The following PIK3R3 variants were observed in gnomAD, a reference collection of about 807,000 sequenced individuals.
The protein encoded by PIK3R3 is phosphatidylinositol 3-kinase regulatory subunit gamma.
In PIK3R3, 64 loss-of-function variants were observed where a neutral mutation model predicts 62.9. The ratio of observed to expected loss-of-function variants is 1.02; its 90% CI spans 0.83 to 1.25. The LOEUF is 1.25. Ranked by LOEUF, PIK3R3 falls within the 50% of genes most tolerant of loss-of-function variation. The probability of loss-of-function intolerance (pLI) is 0.00; values close to 1 mark genes in which losing one functional copy is unlikely to be tolerated. For synonymous variants in PIK3R3, 165 were observed against 189.0 expected (o/e 0.87, Z 1.04); for missense variants, 614 against 561.6 (o/e 1.09, Z -0.94).
chr1:46,147,384 C>T, the PIK3R3 span, among the ~76,000 whole-genome samples: 1 of 152,160 alleles, frequency 6.6e-6, no homozygotes, highest in Non-Finnish European at 1.5e-5. Flanking sequence ...GGATTACAGG[C>T]GTGAGCCACC....
chr1:46,137,217 GT>G (rs1655963411), upstream of PIK3R3, among the ~76,000 whole-genome samples: 1 of 152,180 alleles, frequency 6.6e-6, no homozygotes, highest in South Asian at 2.1e-4. Flanking sequence ...CTTAGCAAAT[GT>G]TTGTTGGTGC....
At chr1:46,135,606 A>G (rs1173828696), upstream of PIK3R3, among the ~76,000 whole-genome samples, 3 of 152,104 alleles carry the variant, frequency 2.0e-5, no homozygotes, top group African/African-American at 7.2e-5. Flanking sequence ...GATGGATGAA[A>G]TATTTCTTCT....
Position 46,061,965 on chromosome 1 carries a change from C to T in PIK3R3, c.728G>A (p.Arg243Gln), listed in dbSNP as rs778971217. 2.0e-5 allele frequency: 33 copies of T among 1,613,432 alleles called. No individual in the cohort carries two copies. The highest frequency in any genetic ancestry group is 2.7e-5 in the Non-Finnish European group (32 of 1,179,420). ...QEQHSKEYIE[R>Q]FRREGNEKEI... ...CTTTTCATTCCCCTCTCTGCGAAAT[C>T]GCTCAATATATTCTTTGCTATGTTG... Residue 243 changes from arginine to glutamine, a missense_variant, in exon 6 of 10, where the codon CGA becomes CAA. Transcript: ENST00000262741.
intron 7 of PIK3R3, among the ~76,000 whole-genome samples, chr1:46,054,947 G>C (rs1647730741): frequency 6.6e-6 from 1 of 152,136 alleles, no homozygotes; most frequent in Non-Finnish European, 1.5e-5. Context: ...CTGTTGCCCA[G>C]GCTGGAGTGC....
At chr1:46,053,757 G>A (rs144850738) in intron 7 of PIK3R3, among the ~76,000 whole-genome samples, 1 of 152,094 alleles carries the variant, frequency 6.6e-6, no homozygotes, top group South Asian at 2.1e-4. Flanking sequence ...AACAGACTAA[G>A]ACACCACACT....
At chr1:46,156,797 T>C in the PIK3R3 span, among the ~76,000 whole-genome samples, 1 of 152,186 alleles carries the variant, frequency 6.6e-6, no homozygotes, top group African/African-American at 2.4e-5. Flanking sequence ...CTCCAGACCC[T>C]GGAAGCATGA....
Position 46,044,682 on chromosome 1 carries a change from T to C in PIK3R3, c.1188-811A>G, listed in dbSNP as rs1046333688. 7.9e-5 allele frequency among the ~76,000 whole-genome samples: 12 copies of C among 152,238 alleles called. No homozygotes were observed. Among genetic ancestry groups the C allele is most frequent in the African/African-American group, 2.4e-4 (10 of 41,458 alleles). ...CCCATAAGACATCCCATTCATCTTT[T>C]TGAGGTCCATCTCAGATACCTTTTC... On this transcript the variant is annotated intron_variant, in intron 9 of 9. Coordinates refer to ENST00000262741, the MANE Select transcript of PIK3R3 (RefSeq NM_003629.4). This position sits in a 1 kb window ranked among gnomAD's most constrained non-coding sequence, Gnocchi z 4.2.
At chr1:46,129,045 T>G (rs1372960880) in intron 1 of PIK3R3, among the ~76,000 whole-genome samples, 1 of 149,564 alleles carries the variant, frequency 6.7e-6, no homozygotes, top group Non-Finnish European at 1.5e-5. Flanking sequence ...CACTCCAGCC[T>G]GGGCAACAGA....
chr1:46,153,126 T>C, the PIK3R3 span, among the ~76,000 whole-genome samples: 109 of 152,360 alleles, frequency 7.2e-4, no homozygotes, highest in South Asian at 1.7e-3. Context: ...GAGGTAATGA[T>C]GAGTCCATGG....
intron 6 of PIK3R3, 74 bp from the exon 7 acceptor site, chr1:46,056,045 T>TA: frequency 1.1e-6 from 1 of 938,304 alleles, no homozygotes; most frequent in South Asian, 1.8e-5. Context: ...AGCACGGTCC[T>TA]AATATCCTTT....
intron 1 of PIK3R3, chr1:46,105,006 G>A (rs1653062014): frequency 1.4e-6 from 1 of 731,076 alleles, no homozygotes; most frequent in Non-Finnish European, 2.5e-6. Flanking sequence ...GCAAGGCAGA[G>A]CCACCAGAAA....
the PIK3R3 span, among the ~76,000 whole-genome samples, chr1:46,143,579 C>G: frequency 9.2e-5 from 14 of 152,040 alleles, no homozygotes; most frequent in Non-Finnish European, 7.4e-5. Flanking sequence ...CCCTCCCCAC[C>G]ACCACCCCTG....
intron 1 of PIK3R3, among the ~76,000 whole-genome samples, chr1:46,095,102 C>T (rs1004808680): frequency 6.6e-6 from 1 of 152,116 alleles, no homozygotes; most frequent in Non-Finnish European, 1.5e-5. Context: ...GGCAGAAATA[C>T]TATTTGACCC....
At chr1:46,154,399 C>T in the PIK3R3 span, among the ~76,000 whole-genome samples, 1 of 151,994 alleles carries the variant, frequency 6.6e-6, no homozygotes, top group South Asian at 2.1e-4. Context: ...GAGACCCCAA[C>T]TCCACAAAAA....
intron 1 of PIK3R3, among the ~76,000 whole-genome samples, chr1:46,095,755 T>A (rs984941300): frequency 6.6e-6 from 1 of 152,232 alleles, no homozygotes; most frequent in Non-Finnish European, 1.5e-5. Flanking sequence ...TACATTAATG[T>A]GATTCTCCCT....
Position 46,040,515 on chromosome 1 carries a change from G to A in PIK3R3, c.*3158C>T, listed in dbSNP as rs761611181. 1 of 228,952 alleles carries A rather than the reference G, an allele frequency of 4.4e-6. No homozygotes were observed. The highest frequency in any genetic ancestry group is 8.7e-6 in the Non-Finnish European group (1 of 115,330). 14.2% of individuals were successfully genotyped at this position (228,952 alleles called of 1,614,324 possible). A position where few individuals can be genotyped will look rare whatever the true frequency, so the allele number is the denominator to read the frequency against. ...ACGAGGTTGTTTGCCACAAGTGGCT[G>A]GAGCTAAAGCAGGTTTGAGCAGTTG... On this transcript the variant is annotated 3_prime_UTR_variant, in exon 10 of 10. Transcript: ENST00000262741.
chr1:46,120,674 C>T (rs779844134), intron 1 of PIK3R3, among the ~76,000 whole-genome samples: 8 of 152,178 alleles, frequency 5.3e-5, no homozygotes, highest in Non-Finnish European at 1.2e-4. Context: ...GACAATAACA[C>T]TGAAGAGAGT....
the PIK3R3 span, among the ~76,000 whole-genome samples, chr1:46,145,755 C>T: frequency 1.3e-5 from 2 of 152,140 alleles, no homozygotes; most frequent in African/African-American, 2.4e-5. Context: ...CCATAGCAAT[C>T]GCCTTACAAA....
At chr1:46,135,756 G>A (rs1655906355), upstream of PIK3R3, among the ~76,000 whole-genome samples, 1 of 151,880 alleles carries the variant, frequency 6.6e-6, no homozygotes, top group Non-Finnish European at 1.5e-5. Flanking sequence ...ATGGGGCCGG[G>A]CACGGTGGCT....
Sources: allele counts gnomAD v4.1 joint callset (sites outside exome capture counted in the v4.1 genomes callset), GRCh38; gene constraint gnomAD v4.1.1; non-coding constraint Gnocchi (gnomAD v3.1); transcripts MANE v1.5; gene names NCBI Gene and HGNC (gene_info 2026-07-23, HGNC 2026-07-21).